TEX11: variants seen among roughly 807,000 people sequenced by gnomAD.
TEX11 encodes testis expressed 11, also known as testis-expressed protein 11.
A neutral mutation model predicts 84.4 loss-of-function variants in TEX11; 7 were observed. That is an observed-to-expected ratio of 0.08 (90% CI 0.05 to 0.16). TEX11 has a LOEUF of 0.16. TEX11 is among the 10% of genes least tolerant of loss of function. The pLI is 1.00. For synonymous variants in TEX11, 264 were observed against 222.8 expected, an observed-to-expected ratio of 1.18 and a Z score of -1.64; for missense variants, 551 against 660.5, an observed-to-expected ratio of 0.83 and a Z score of 1.82.
At chrX:70,846,453 A>T (rs749452636) in intron 7 of TEX11, among the ~76,000 whole-genome samples, 1 of 112,588 alleles carries the variant, frequency 8.9e-6, no homozygotes, top group East Asian at 2.8e-4. Flanking sequence ...ACAGCAAAAA[A>T]TAGGCAAATA....
chrX:70,784,868 G>A (rs781208564), intron 9 of TEX11, among the ~76,000 whole-genome samples: 2 of 111,919 alleles, frequency 1.8e-5, no homozygotes, highest in South Asian at 3.8e-4. Flanking sequence ...TCATGGGTAG[G>A]AAGAATCAAT....
intron 13 of TEX11, among the ~76,000 whole-genome samples, chrX:70,691,830 A>T (rs938349822): frequency 9.0e-6 from 1 of 111,602 alleles, no homozygotes; most frequent in Non-Finnish European, 1.9e-5. Flanking sequence ...CTATAAAAAA[A>T]GGTAACCATG....
chrX:70,552,199 G>A lies in TEX11; in HGVS notation c.2447C>T (p.Ser816Leu), dbSNP rs762490798. Residue 816 changes from serine to leucine, a missense_variant, in exon 28 of 30, where the codon TCG becomes TTG. Transcript: ENST00000374333. ...TTCCAGGGGACAGAGCTCTACATTC[G>A]ACGCCCCATCTGGCACTGAGAGGTT... Reference protein sequence around the residue: ...LVNLSVPDGASNVELCPLEEV... With the variant: ...LVNLSVPDGALNVELCPLEEV... The A allele has an allele frequency of 5.0e-6, 6 of 1,209,157 alleles. No homozygotes were observed. The Admixed American group carries it at 6.6e-5, about 13-fold the overall frequency.
rs777810975 is a variant in TEX11, at chrX:70,581,164, G to C, written c.2140+10587C>G. On this transcript the variant is annotated intron_variant, in intron 25 of 29. Coordinates refer to ENST00000374333, the MANE Select transcript of TEX11 (RefSeq NM_031276.3). ...GTATAAGCATGTGCCACTATTCCTG[G>C]TTAATTCTTTAAAAAATTATTTATA... is the stretch of plus-strand genomic sequence containing the variant. Among the ~76,000 whole-genome samples, 10 of 109,238 alleles carry C rather than the reference G, an allele frequency of 9.2e-5. No individual in the cohort carries two copies. In the East Asian group the frequency reaches 2.6e-3, roughly 28 times the overall value. The allele number at this position is 109,238 out of a possible 115,157, so 94.9% of individuals were successfully genotyped here.
At chrX:70,519,582 TTA>T in the TEX11 span, among the ~76,000 whole-genome samples, 1 of 111,479 alleles carries the variant, frequency 9.0e-6, no homozygotes, top group Non-Finnish European at 1.9e-5. Context: ...AATCTGACAA[TTA>T]TATGTCTTGG....
At chrX:70,677,035 G>A (rs183554632) in intron 15 of TEX11, among the ~76,000 whole-genome samples, 166 of 112,042 alleles carry the variant, frequency 1.5e-3, no homozygotes, top group Non-Finnish European at 2.6e-3. Context: ...GGTCAGTATC[G>A]ATTGATTGCT....
Position 70,763,271 on chromosome X carries a change from G to A in TEX11, c.693-19052C>T, listed in dbSNP as rs2090920274. On this transcript the variant is annotated intron_variant, in intron 9 of 29. Transcript: ENST00000374333. ...TAGAATACTACCCAGCCATAAAACA[G>A]AACAAAATAATGGCCTTTGCAGCAA... Among the ~76,000 whole-genome samples, 3 of 111,561 alleles carry A rather than the reference G, an allele frequency of 2.7e-5. No homozygotes were observed. In the South Asian group the frequency reaches 1.1e-3, roughly 42 times the overall value.
intron 7 of TEX11, among the ~76,000 whole-genome samples, chrX:70,850,962 G>A (rs746708985): frequency 8.9e-6 from 1 of 111,858 alleles, no homozygotes; most frequent in Non-Finnish European, 1.9e-5. Flanking sequence ...CTAAATAAAT[G>A]AAAAGACATC....
At chrX:70,755,045 T>C in intron 9 of TEX11, among the ~76,000 whole-genome samples, 1 of 111,526 alleles carries the variant, frequency 9.0e-6, no homozygotes, top group Non-Finnish European at 1.9e-5. Flanking sequence ...CTAAAATAAA[T>C]ACCTAACACT....
At chrX:70,813,545 G>C (rs1361044529) in intron 8 of TEX11, among the ~76,000 whole-genome samples, 1 of 111,261 alleles carries the variant, frequency 9.0e-6, no homozygotes, top group Non-Finnish European at 1.9e-5. Context: ...GCACAAGAGA[G>C]GGATGCCCTC....
At chrX:70,561,443 G>C (rs112332123) in intron 25 of TEX11, among the ~76,000 whole-genome samples, 7,962 of 95,646 alleles carry the variant, frequency 0.083, 819 homozygotes, top group African/African-American at 0.27. Context: ...GCTGGAGTGT[G>C]GTGGCGTGAT....
At chrX:70,745,592 G>A (rs918835869) in intron 9 of TEX11, among the ~76,000 whole-genome samples, 61 of 111,154 alleles carry the variant, frequency 5.5e-4, no homozygotes, top group African/African-American at 1.6e-3. Flanking sequence ...AAAATTAGCC[G>A]GAGTGATGGC....
intron 10 of TEX11, among the ~76,000 whole-genome samples, chrX:70,742,702 T>C (rs1418967921): frequency 1.3e-4 from 14 of 110,240 alleles, no homozygotes; most frequent in African/African-American, 3.9e-4. Context: ...CCCTCCAGCC[T>C]GGGTGACAAG....
intron 9 of TEX11, among the ~76,000 whole-genome samples, chrX:70,747,312 T>G (rs1425421767): frequency 9.0e-6 from 1 of 111,729 alleles, no homozygotes; most frequent in African/African-American, 3.3e-5. Flanking sequence ...TAAGAAGTCA[T>G]GAAAAGATAA....
chrX:70,726,319 T>C (rs1055957848), intron 11 of TEX11, among the ~76,000 whole-genome samples: 1 of 111,684 alleles, frequency 9.0e-6, no homozygotes, highest in Non-Finnish European at 1.9e-5. Flanking sequence ...CAACCCCAGA[T>C]AATGGACATT....
intron 7 of TEX11, among the ~76,000 whole-genome samples, chrX:70,834,064 C>G (rs1465520772): frequency 4.5e-5 from 5 of 110,944 alleles, no homozygotes; most frequent in African/African-American, 1.6e-4. Context: ...TGGCACACAC[C>G]TATGGTCCCA....
intron 11 of TEX11, among the ~76,000 whole-genome samples, chrX:70,729,012 C>T (rs1269015069): frequency 1.6e-3 from 139 of 84,991 alleles, no homozygotes; most frequent in Middle Eastern, 0.011. Context: ...CACCAATATC[C>T]GCTGTTCTGC....
intron 28 of TEX11, among the ~76,000 whole-genome samples, chrX:70,545,796 C>T (rs1319346132): frequency 9.0e-6 from 1 of 111,405 alleles, no homozygotes; most frequent in East Asian, 2.8e-4. Flanking sequence ...CTTACGATGG[C>T]TATGATGTCA....
chrX:70,872,832 T>C (rs953723819), intron 4 of TEX11, among the ~76,000 whole-genome samples: 1 of 112,245 alleles, frequency 8.9e-6, no homozygotes, highest in Non-Finnish European at 1.9e-5. Flanking sequence ...GCAACACTTA[T>C]TCTATTATTA....
Sources: gnomAD v4.1 joint callset for allele counts (sites outside exome capture counted in the v4.1 genomes callset) on GRCh38, gnomAD v4.1.1 for gene constraint, MANE v1.5 for transcripts, NCBI Gene and HGNC (gene_info 2026-07-23, HGNC 2026-07-21) for gene names.